ABCB4: variants seen among roughly 807,000 people sequenced by gnomAD.
ABCB4 encodes phosphatidylcholine translocator ABCB4.
In ABCB4, 76 loss-of-function variants were observed where a neutral mutation model predicts 145.7. That is an observed-to-expected ratio of 0.52 (90% CI 0.43 to 0.63). ABCB4 has a LOEUF of 0.63. Among genes scored for constraint, ABCB4 ranks in the 30% least tolerant of loss-of-function variants. The pLI, the probability that ABCB4 is intolerant of heterozygous loss-of-function variation, is 0.00. For missense variants in ABCB4, 1,234 were observed against 1,553.1 expected (o/e 0.79, Z 3.45); for synonymous variants, 517 against 566.8 (o/e 0.91, Z 1.25).
At chr7:87,421,277 C>G (rs1466253583) in intron 18 of ABCB4, among the ~76,000 whole-genome samples, 1 of 152,154 alleles carries the variant, frequency 6.6e-6, no homozygotes, top group African/African-American at 2.4e-5. Context: ...TCAGTGCACC[C>G]AGTGAATCGG....
At chr7:87,402,381 T>C in intron 27 of ABCB4, 79 bp from the exon 28 acceptor site, 11 of 1,522,990 alleles carry the variant, frequency 7.2e-6, no homozygotes, top group Non-Finnish European at 9.9e-6. Context: ...TTGAAAATGT[T>C]ACCTTTCTAA....
In ABCB4 at chr7:87,473,649, A is replaced by G. The variant is rs185326044; in HGVS notation, c.81-974T>C. ...TCCATGGCGTTAATTACCTTCTAAC[A>G]TTGGCTGTGGTTTACTTATTTAGTA... On this transcript the variant is annotated intron_variant, in intron 2 of 27. Coordinates refer to ENST00000649586, the MANE Select transcript of ABCB4 (RefSeq NM_000443.4). Among the ~76,000 whole-genome samples the G allele has an allele frequency of 3.0e-3, 449 of 152,040 alleles. 4 individuals are homozygous for G. The highest frequency in any genetic ancestry group is 0.01 in the African/African-American group (425 of 41,444).
At chr7:87,380,802 A>ATAT in the ABCB4 span, among the ~76,000 whole-genome samples, 2 of 152,338 alleles carry the variant, frequency 1.3e-5, no homozygotes, top group Middle Eastern at 3.4e-3. Flanking sequence ...GTTTGTCTTA[A>ATAT]ATGAAACAAT....
intron 23 of ABCB4, among the ~76,000 whole-genome samples, chr7:87,409,597 TCTCGA>T (rs1808461708): frequency 6.6e-6 from 1 of 152,210 alleles, no homozygotes; most frequent in South Asian, 2.1e-4. Context: ...GTTTACCTTT[TCTCGA>T]CTTGCTTTCT....
intron 14 of ABCB4, among the ~76,000 whole-genome samples, chr7:87,438,968 C>A (rs1321774206): frequency 6.6e-6 from 1 of 152,066 alleles, no homozygotes; most frequent in Non-Finnish European, 1.5e-5. Flanking sequence ...TGTCTTAAAT[C>A]AAATATATTT....
rs1810878317 is a variant in ABCB4, at chr7:87,440,184, T to C, written c.1560+15A>G. 1 of 1,611,888 alleles carries C rather than the reference T, an allele frequency of 6.2e-7. No homozygotes were observed. The highest frequency in any genetic ancestry group is 8.5e-7 in the Non-Finnish European group (1 of 1,178,066). On this transcript the variant is annotated intron_variant, in intron 13 of 27. Transcript: ENST00000649586. Reference sequence around the variant, plus strand: ...ATTCTAATTTCAAGGACAACTACTTTATCAGAGGCTTTACCTGTGGTAATT... The same window carrying C: ...ATTCTAATTTCAAGGACAACTACTTCATCAGAGGCTTTACCTGTGGTAATT...
intron 10 of ABCB4, among the ~76,000 whole-genome samples, chr7:87,444,231 T>C (rs1400503948): frequency 6.6e-6 from 1 of 152,206 alleles, no homozygotes; most frequent in Non-Finnish European, 1.5e-5. Flanking sequence ...TTAGAAATAA[T>C]GTAAACTTTT....
chr7:87,404,520 C>A (rs1480146636), intron 26 of ABCB4, among the ~76,000 whole-genome samples: 1 of 152,064 alleles, frequency 6.6e-6, no homozygotes, highest in Non-Finnish European at 1.5e-5. Context: ...TAAATTGGAC[C>A]TCATCAAAAG....
intron 19 of ABCB4, among the ~76,000 whole-genome samples, chr7:87,419,093 T>C (rs1265516093): frequency 6.6e-6 from 1 of 152,214 alleles, no homozygotes; most frequent in African/African-American, 2.4e-5. Context: ...TGATTGAAAG[T>C]GTGTCTGATC....
Position 87,469,900 on chromosome 7 carries a change from T to C in ABCB4, c.135+2721A>G, listed in dbSNP as rs1392225511. On this transcript the variant is annotated intron_variant, in intron 3 of 27. Transcript: ENST00000649586. ...GTTAATATGGAACCAAAAAAGAGCCTGCATTGGCAAGTCAATCCTAAGCTA... is the reference window on the plus strand; with the variant it reads ...GTTAATATGGAACCAAAAAAGAGCCCGCATTGGCAAGTCAATCCTAAGCTA... 3.9e-5 allele frequency among the ~76,000 whole-genome samples: 6 copies of C among 152,296 alleles called. No homozygotes were observed. The East Asian group carries it at 5.8e-4, about 15-fold the overall frequency.
At chr7:87,377,569 T>G in the ABCB4 span, 1 of 617,706 alleles carries the variant, frequency 1.6e-6, no homozygotes, top group Non-Finnish European at 2.8e-6. Flanking sequence ...TTTATGGCAC[T>G]GTGGTGAAAA....
chr7:87,382,306 A>T, the ABCB4 span: 2 of 1,436,226 alleles, frequency 1.4e-6, no homozygotes, highest in Non-Finnish European at 1.9e-6. Flanking sequence ...TAACACCTTT[A>T]ATTCTTTATG....
rs1416715261 is a variant in ABCB4 at position 87,417,332 on chromosome 7, CT to C, written c.2661del (p.Glu888AsnfsTer13). 1.9e-6 allele frequency: 3 copies of C among 1,614,032 alleles called. No individual in the cohort carries two copies. The highest frequency in any genetic ancestry group is 2.5e-6 in the Non-Finnish European group (3 of 1,179,948). The stretch of plus-strand genomic sequence containing the variant: ...CCTACCTTTCCAGCAGCTTCCAGTT[CT>C]TTTTTATCTCTTTTGGCATTTCCAG... The part of the protein sequence containing the change: ...LLAGNAKRDK[K>X]ELEAAGKIAT... On this transcript the variant is annotated frameshift_variant, in exon 21 of 28. Coordinates refer to ENST00000649586, the MANE Select transcript of ABCB4 (RefSeq NM_000443.4). LOFTEE classifies it high-confidence loss of function.
At chr7:87,376,405 T>C in the ABCB4 span, among the ~76,000 whole-genome samples, 5 of 152,094 alleles carry the variant, frequency 3.3e-5, no homozygotes, top group Admixed American at 3.3e-4. Context: ...TTTGGTTAAT[T>C]GCTGAACACA....
intron 17 of ABCB4, among the ~76,000 whole-genome samples, chr7:87,422,923 C>T (rs564363815): frequency 2.1e-4 from 32 of 152,332 alleles, no homozygotes; most frequent in Admixed American, 2.6e-4. Flanking sequence ...ACCACTGTAT[C>T]TCCAGTGCCT....
the ABCB4 span, chr7:87,382,479 A>T: frequency 1.7e-5 from 28 of 1,613,870 alleles, no homozygotes; most frequent in Non-Finnish European, 2.2e-5. Context: ...CAAGAACAAG[A>T]TGCTTCACCC....
At chr7:87,462,635 C>G (rs1055212715) in intron 4 of ABCB4, 123 bp downstream of exon 4, 1 of 898,650 alleles carries the variant, frequency 1.1e-6, no homozygotes, top group African/African-American at 1.7e-5. Context: ...TCTATGATAT[C>G]TGGAGTCAAC....
Position 87,443,442 on chromosome 7 carries a change from G to A in ABCB4, c.1233C>T (p.Ile411=). 6.2e-7 allele frequency: 1 copy of A among 1,613,666 alleles called. No individual in the cohort carries two copies. Among genetic ancestry groups the A allele is most frequent in the Non-Finnish European group, 8.5e-7 (1 of 1,179,926 alleles). The change falls in exon 12 of 28, where the codon ATC becomes ATT. Residue 411 remains isoleucine (I), a splice_region_variant and synonymous_variant. Coordinates refer to ENST00000649586, the MANE Select transcript of ABCB4 (RefSeq NM_000443.4). ...GCACCTTCAGGTTGAGGCCCTTCAA[G>A]ATCTGTAAGGAAAATGAGAAAAAAG... ...FSYPSRANVK[I]LKGLNLKVQS...
chr7:87,429,142 C>G (rs778376472), intron 15 of ABCB4, among the ~76,000 whole-genome samples: 7 of 152,188 alleles, frequency 4.6e-5, no homozygotes, highest in Non-Finnish European at 8.8e-5. Flanking sequence ...CTCAGGCTCA[C>G]AGTGGGTCTT....
Sources: gnomAD v4.1 joint callset for allele counts (sites outside exome capture counted in the v4.1 genomes callset) on GRCh38, gnomAD v4.1.1 for gene constraint, MANE v1.5 for transcripts, NCBI Gene and HGNC (gene_info 2026-07-23, HGNC 2026-07-21) for gene names.